The following DRD3 variants were observed in gnomAD, a reference collection of about 807,000 sequenced individuals.
DRD3 encodes dopamine receptor D3.
DRD3 carries 19 observed loss-of-function variants against 36.3 expected under a neutral mutation model. The observed-to-expected ratio is 0.52, with a 90% CI of 0.36 to 0.77. DRD3 has a LOEUF of 0.77. Among genes scored for constraint, DRD3 ranks in the 30% least tolerant of loss-of-function variants. The pLI is 0.00. For synonymous variants in DRD3, 195 were observed against 203.7 expected, an observed-to-expected ratio of 0.96 and a Z score of 0.36; for missense variants, 465 against 505.3, an observed-to-expected ratio of 0.92 and a Z score of 0.77.
chr3:114,182,482 G>GTT (rs145438954), upstream of DRD3, among the ~76,000 whole-genome samples: 2 of 151,974 alleles, frequency 1.3e-5, no homozygotes, highest in South Asian at 2.1e-4. Context: ...AATGATAGTG[G>GTT]TTTTTTATAT....
chr3:114,131,333 A>C lies in DRD3; in HGVS notation c.791T>G (p.Leu264Trp). Reference sequence around the variant, plus strand: ...TCTTTCTTGGAAGCCTGGTCCACCCAAGGCAGTGTCCTGGCAGATGCTGTA... The same window carrying C: ...TCTTTCTTGGAAGCCTGGTCCACCCCAGGCAGTGTCCTGGCAGATGCTGTA... ...RYYSICQDTA[L>W]GGPGFQERGG... Residue 264 changes from leucine (L) to tryptophan (W), a missense_variant, in exon 6 of 7, where the codon TTG (leucine) becomes TGG (tryptophan). By Grantham distance (61) the Leu-to-Trp change is moderately conservative (BLOSUM62 -2). Transcript: ENST00000383673. 6.2e-7 allele frequency: 1 copy of C among 1,614,242 alleles called. No homozygotes were observed. Among genetic ancestry groups the C allele is most frequent in the South Asian group, 1.1e-5 (1 of 91,086 alleles).
chr3:114,166,392 A>C (rs2077785046), intron 2 of DRD3, among the ~76,000 whole-genome samples: 1 of 152,172 alleles, frequency 6.6e-6, no homozygotes, highest in African/African-American at 2.4e-5. Flanking sequence ...CAGTGTTGGG[A>C]GATGGGGTCT....
At position 114,144,841 on chromosome 3, in the gene DRD3, C is replaced by T. The variant is rs558887539; in HGVS notation, c.526+2574G>A. On this transcript the variant is annotated intron_variant, in intron 4 of 6. Transcript: ENST00000383673. ...GTGAGAGACGAGAGAGAAGTGAGAG[C>T]GCACATACTAAGTCACAGGCCTTTT... Among the ~76,000 whole-genome samples the T allele has an allele frequency of 1.1e-4, 16 of 152,062 alleles. No individual in the cohort carries two copies. In the South Asian group the frequency reaches 1.5e-3, roughly 14 times the overall value.
intron 5 of DRD3, among the ~76,000 whole-genome samples, chr3:114,138,168 CAAA>C (rs35536800): frequency 1.4e-3 from 106 of 74,086 alleles, no homozygotes; most frequent in East Asian, 3.6e-3. Context: ...GACTCTGTCT[CAAA>C]AAAAAAAAAA....
intron 4 of DRD3, among the ~76,000 whole-genome samples, chr3:114,142,728 A>G (rs905952138): frequency 2.3e-5 from 3 of 131,084 alleles, no homozygotes; most frequent in Admixed American, 1.7e-4. Flanking sequence ...TTATTTCTCC[A>G]TTAAAAATAT....
intron 3 of DRD3, among the ~76,000 whole-genome samples, chr3:114,157,274 G>A (rs1461502835): frequency 2.0e-5 from 3 of 151,870 alleles, no homozygotes; most frequent in East Asian, 1.9e-4. Context: ...GCCTGGTCTC[G>A]AACTCCTGAC....
Position 114,178,752 on chromosome 3 carries a change from C to T in DRD3, c.-131G>A, listed in dbSNP as rs1230763949. The T allele has an allele frequency of 2.0e-5, 3 of 152,164 alleles. No individual in the cohort carries two copies. Among genetic ancestry groups the T allele is most frequent in the Non-Finnish European group, 4.4e-5 (3 of 68,010 alleles). The allele number at this position is 152,164 out of a possible 1,614,324, so 9.4% of individuals were successfully genotyped here. On this transcript the variant is annotated 5_prime_UTR_variant, in exon 1 of 7. Transcript: ENST00000383673. ...AGCAGACATACCCAAGCAAAGCAAACTTTGCCTTTCTCAGGACTCAGAAAC... is the reference window on the plus strand; with the variant it reads ...AGCAGACATACCCAAGCAAAGCAAATTTTGCCTTTCTCAGGACTCAGAAAC...
At chr3:114,156,514 C>T (rs2077669055) in intron 3 of DRD3, among the ~76,000 whole-genome samples, 1 of 151,560 alleles carries the variant, frequency 6.6e-6, no homozygotes, top group South Asian at 2.1e-4. Context: ...CTTGTTTCCT[C>T]CTATTTATTT....
At chr3:114,188,075 G>T (rs2077985187) in intron 1 of DRD3, among the ~76,000 whole-genome samples, 1 of 152,068 alleles carries the variant, frequency 6.6e-6, no homozygotes, top group African/African-American at 2.4e-5. Flanking sequence ...TATTATTTCG[G>T]CTGGGGCTTT....
chr3:114,183,060 G>A (rs374146314), upstream of DRD3, among the ~76,000 whole-genome samples: 67 of 152,154 alleles, frequency 4.4e-4, no homozygotes, highest in African/African-American at 1.6e-3. Flanking sequence ...ATTTTTTGAG[G>A]TACTACCATA....
chr3:114,132,673 G>A (rs553888022), intron 5 of DRD3, among the ~76,000 whole-genome samples: 8 of 151,844 alleles, frequency 5.3e-5, no homozygotes, highest in Non-Finnish European at 1.2e-4. Flanking sequence ...TTTTGAGTTA[G>A]AATGACCTGG....
At chr3:114,184,363 T>TA (rs2077963668) in intron 1 of DRD3, among the ~76,000 whole-genome samples, 1 of 152,188 alleles carries the variant, frequency 6.6e-6, no homozygotes, top group African/African-American at 2.4e-5. Context: ...TTAAATTATA[T>TA]AAAAAACAAA....
intron 3 of DRD3, among the ~76,000 whole-genome samples, chr3:114,153,571 C>T (rs1254155639): frequency 6.6e-6 from 1 of 152,130 alleles, no homozygotes; most frequent in Non-Finnish European, 1.5e-5. Flanking sequence ...CTCCACTAAA[C>T]AGATAAGAGA....
Position 114,196,979 on chromosome 3 carries a change from T to A in DRD3, c.-156+2294A>T, listed in dbSNP as rs779138787. On this transcript the variant is annotated intron_variant, in intron 1 of 7. Transcript: ENST00000460779. ...TTTTAAATTTATTTTTATTTTTTTC[T>A]TTTTTTCTTTTTTTTTTATTATACT... 7.2e-3 allele frequency among the ~76,000 whole-genome samples: 1,090 copies of A among 150,752 alleles called. 11 individuals are homozygous for A. The highest frequency in any genetic ancestry group is 0.011 in the Non-Finnish European group (775 of 67,668).
chr3:114,133,769 C>T (rs1017251568), intron 5 of DRD3, among the ~76,000 whole-genome samples: 3 of 45,794 alleles, frequency 6.6e-5, no homozygotes, highest in Non-Finnish European at 5.7e-5. Context: ...ACTATTGTGT[C>T]AGTCTTGAAC....
chr3:114,175,912 A>T (rs1320222034), intron 1 of DRD3: 1 of 152,256 alleles, frequency 6.6e-6, no homozygotes, highest in Admixed American at 6.5e-5. Flanking sequence ...TTCATTACAT[A>T]TAACACTACT....
intron 3 of DRD3, among the ~76,000 whole-genome samples, chr3:114,156,799 C>CTT (rs1240025299): frequency 0.014 from 1,280 of 91,448 alleles, 30 homozygotes; most frequent in African/African-American, 0.042. Context: ...TTCTTTCTTT[C>CTT]TCTTTTCTTT....
rs563284800 is a variant in DRD3, at chr3:114,130,624, C to T, written c.1006+494G>A. Among the ~76,000 whole-genome samples the T allele has an allele frequency of 1.5e-4, 23 of 152,064 alleles. No individual in the cohort carries two copies. In the South Asian group the frequency reaches 2.5e-3, roughly 16 times the overall value. ...CATTTTTAGTAGAGACGGGGTTTAC[C>T]GTGTTAGCCAGGATGGTCTCGATCT... On this transcript the variant is annotated intron_variant, in intron 6 of 6. Transcript: ENST00000383673.
At chr3:114,166,251 G>A (rs141470887) in intron 2 of DRD3, among the ~76,000 whole-genome samples, 35 of 152,222 alleles carry the variant, frequency 2.3e-4, no homozygotes, top group African/African-American at 7.9e-4. Flanking sequence ...CTCCCAAAGT[G>A]TGGGGATTAC....
Sources: allele counts gnomAD v4.1 joint callset (sites outside exome capture counted in the v4.1 genomes callset), GRCh38; gene constraint gnomAD v4.1.1; transcripts MANE v1.5; gene names NCBI Gene and HGNC (gene_info 2026-07-23, HGNC 2026-07-21).